Variants in CYTH3 observed in about 807,000 individuals in gnomAD.
CYTH3 encodes cytohesin-3.
Under a neutral mutation model 55.1 loss-of-function variants are expected in CYTH3, and 23 were observed. The observed-to-expected ratio is 0.42, with a 90% CI of 0.30 to 0.59. The LOEUF is 0.59. CYTH3 is among the 20% of genes least tolerant of loss of function. CYTH3 has a pLI of 0.20. For missense variants in CYTH3, 413 were observed against 524.8 expected (o/e 0.79, Z 2.08); for synonymous variants, 249 against 194.9 (o/e 1.28, Z -2.31).
chr7:6,260,058 A>G (rs1780312124), intron 1 of CYTH3, among the ~76,000 whole-genome samples: 1 of 150,188 alleles, frequency 6.7e-6, no homozygotes, highest in Non-Finnish European at 1.5e-5. Context: ...GGAACTCCCA[A>G]CCTCAGGTGA....
At chr7:6,176,543 G>A (rs961981894) in intron 5 of CYTH3, among the ~76,000 whole-genome samples, 1 of 152,124 alleles carries the variant, frequency 6.6e-6, no homozygotes, top group African/African-American at 2.4e-5. Flanking sequence ...TTACAGGCAT[G>A]AGGCACCACG....
In CYTH3 at chr7:6,244,188, G is replaced by A. The variant is rs116064172; in HGVS notation, c.34+28286C>T. Among the ~76,000 whole-genome samples the A allele has an allele frequency of 3.0e-3, 450 of 152,166 alleles. 2 individuals carry two copies. The highest frequency in any genetic ancestry group is 0.011 in the African/African-American group (444 of 41,512). On this transcript the variant is annotated intron_variant, in intron 1 of 12. Coordinates refer to ENST00000350796, the MANE Select transcript of CYTH3 (RefSeq NM_004227.4). ...TTCAGACTTCACAGAAGAAATGGCA[G>A]AAAAGAATGTTACCAAAGCAACAAA...
At chr7:6,206,615 T>C (rs1039815846) in intron 1 of CYTH3, among the ~76,000 whole-genome samples, 4 of 152,238 alleles carry the variant, frequency 2.6e-5, no homozygotes, top group Non-Finnish European at 5.9e-5. Flanking sequence ...GCTTTACTTA[T>C]TGCCCTTAAA....
intron 1 of CYTH3, among the ~76,000 whole-genome samples, chr7:6,265,242 GA>G (rs34132679): frequency 0.051 from 7,341 of 143,240 alleles, 266 homozygotes; most frequent in Middle Eastern, 0.077. Flanking sequence ...AAAAGGTTAT[GA>G]AAAAAAAAAA....
chr7:6,215,038 T>G (rs1784395164), intron 1 of CYTH3, among the ~76,000 whole-genome samples: 1 of 152,198 alleles, frequency 6.6e-6, no homozygotes, highest in Admixed American at 6.5e-5. Context: ...TATTTGTGTG[T>G]GAAGAAAATG....
chr7:6,194,391 T>G (rs1413795506), intron 1 of CYTH3, among the ~76,000 whole-genome samples: 2 of 152,112 alleles, frequency 1.3e-5, no homozygotes, highest in East Asian at 3.8e-4. Context: ...GGTTCCAGGT[T>G]GCAGTGACCA....
intron 1 of CYTH3, among the ~76,000 whole-genome samples, chr7:6,230,638 T>A (rs1251409964): frequency 6.6e-6 from 1 of 152,066 alleles, no homozygotes; most frequent in African/African-American, 2.4e-5. Context: ...ATGCCACGGA[T>A]CCAATGCAGC....
chr7:6,202,191 T>G (rs954139862), intron 1 of CYTH3, among the ~76,000 whole-genome samples: 1 of 152,214 alleles, frequency 6.6e-6, no homozygotes, highest in African/African-American at 2.4e-5. Flanking sequence ...TCCTGGAACC[T>G]GAGACCACCA....
intron 1 of CYTH3, among the ~76,000 whole-genome samples, chr7:6,204,883 G>A (rs780450772): frequency 2.6e-5 from 4 of 152,204 alleles, no homozygotes; most frequent in Non-Finnish European, 5.9e-5. Flanking sequence ...AGTGACTAGA[G>A]GATGAGTGCG....
At chr7:6,187,630 C>T in intron 3 of CYTH3, 27 bp downstream of exon 3, 1 of 1,594,450 alleles carries the variant, frequency 6.3e-7, no homozygotes, top group Non-Finnish European at 8.6e-7. Flanking sequence ...GAGTAAATAG[C>T]TTAAAGGTGT....
At chr7:6,185,754 C>T (rs1202282427) in intron 4 of CYTH3, among the ~76,000 whole-genome samples, 1 of 151,812 alleles carries the variant, frequency 6.6e-6, no homozygotes, top group Non-Finnish European at 1.5e-5. Flanking sequence ...CAGTCCCAGA[C>T]CTGCAAACCG....
At chr7:6,263,570 CG>C (rs528981152) in intron 1 of CYTH3, among the ~76,000 whole-genome samples, 2 of 152,008 alleles carry the variant, frequency 1.3e-5, no homozygotes, top group African/African-American at 4.8e-5. Context: ...CCGAGGCAGG[CG>C]GATCACTTGA....
chr7:6,187,027 G>C (rs751412157), intron 4 of CYTH3, 23 bp downstream of exon 4: 3 of 1,610,286 alleles, frequency 1.9e-6, no homozygotes, highest in African/African-American at 1.3e-5. Context: ...CTGCAGGCCA[G>C]AAAAGGGAGA....
rs181195160 is a variant in CYTH3 at position 6,161,992 on chromosome 7, T to A, written c.*2952A>T. ...TACATATTACTATATTTACCGCAAA[T>A]AGAAATATTTTCTAAGAAAAAAAGT... On this transcript the variant is annotated 3_prime_UTR_variant, in exon 13 of 13. Coordinates refer to ENST00000350796, the MANE Select transcript of CYTH3 (RefSeq NM_004227.4). 30 of 152,700 alleles carry A rather than the reference T, an allele frequency of 2.0e-4. No homozygotes were observed. The highest frequency in any genetic ancestry group is 3.2e-4 in the Non-Finnish European group (22 of 68,020). The allele number at this position is 152,700 out of a possible 1,614,324, so 9.5% of individuals were successfully genotyped here.
At chr7:6,270,615 C>A (rs1233743434) in intron 1 of CYTH3, among the ~76,000 whole-genome samples, 3 of 152,148 alleles carry the variant, frequency 2.0e-5, no homozygotes, top group Non-Finnish European at 4.4e-5. Flanking sequence ...TAAAATACTT[C>A]AATAAACTTC....
chr7:6,199,268 G>A (rs62454278), intron 1 of CYTH3, among the ~76,000 whole-genome samples: 2 of 152,188 alleles, frequency 1.3e-5, no homozygotes, highest in Non-Finnish European at 2.9e-5. Context: ...AGGTTTGTAG[G>A]AATTTAAAGT....
chr7:6,176,592 G>A (rs1228601392), intron 5 of CYTH3, among the ~76,000 whole-genome samples: 1 of 152,086 alleles, frequency 6.6e-6, no homozygotes, highest in African/African-American at 2.4e-5. Context: ...TGTATATCAT[G>A]CAACCTTACT....
intron 1 of CYTH3, among the ~76,000 whole-genome samples, chr7:6,213,673 A>G (rs1461628141): frequency 3.3e-5 from 5 of 152,074 alleles, no homozygotes; most frequent in Non-Finnish European, 5.9e-5. Flanking sequence ...AAGTGTGACT[A>G]TCTCACAGCT....
chr7:6,187,774 C>T (rs904749254), intron 2 of CYTH3, 53 bp from the exon 3 acceptor site: 1 of 1,303,576 alleles, frequency 7.7e-7, no homozygotes, highest in African/African-American at 1.4e-5. Flanking sequence ...CCTTCCTCCC[C>T]TGAGACTCAG....
Sources: allele counts gnomAD v4.1 joint callset (sites outside exome capture counted in the v4.1 genomes callset), GRCh38; gene constraint gnomAD v4.1.1; transcripts MANE v1.5; gene names NCBI Gene and HGNC (gene_info 2026-07-23, HGNC 2026-07-21).